STK33: variants seen among roughly 807,000 people sequenced by gnomAD.
STK33 encodes the protein serine/threonine-protein kinase 33.
Under a neutral mutation model 58.0 loss-of-function variants are expected in STK33, and 52 were observed. That is an observed-to-expected ratio of 0.90 (90% CI 0.72 to 1.13). The LOEUF is 1.13. Among genes scored for constraint, STK33 ranks in the 50% most tolerant of loss-of-function variants. STK33 has a pLI of 0.00. For missense variants in STK33, 630 were observed against 604.2 expected (o/e 1.04, Z -0.45); for synonymous variants, 215 against 200.1 (o/e 1.07, Z -0.63).
chr11:8,360,403 G>C, the STK33 span, among the ~76,000 whole-genome samples: 2 of 152,250 alleles, frequency 1.3e-5, no homozygotes, highest in African/African-American at 4.8e-5. Context: ...ACAAGGCCTA[G>C]CCCCAGGTCC....
chr11:8,347,680 AC>A, the STK33 span, among the ~76,000 whole-genome samples: 2 of 152,190 alleles, frequency 1.3e-5, no homozygotes, highest in African/African-American at 4.8e-5. Flanking sequence ...ATGTGGCCCC[AC>A]CATTGAGCCA....
intron 7 of STK33, among the ~76,000 whole-genome samples, chr11:8,462,440 TATACACACACACAC>T (rs1266434416): frequency 0.012 from 1,483 of 126,508 alleles, 26 homozygotes; most frequent in South Asian, 0.052. Flanking sequence ...TATATACATA[TATACACACACACAC>T]ACACACACAC....
intron 1 of STK33, among the ~76,000 whole-genome samples, chr11:8,504,630 T>C (rs1165178295): frequency 2.0e-5 from 3 of 150,762 alleles, no homozygotes; most frequent in Non-Finnish European, 3.0e-5. Context: ...TCCAGAAAAA[T>C]AAAAAATAAA....
chr11:8,524,459 A>ATC (rs1953854651), intron 1 of STK33, among the ~76,000 whole-genome samples: 1 of 152,208 alleles, frequency 6.6e-6, no homozygotes, highest in African/African-American at 2.4e-5. Context: ...AAACAGGTAA[A>ATC]GGAATTAAAT....
chr11:8,593,368 G>C (rs1041814238), intron 1 of STK33, among the ~76,000 whole-genome samples: 3 of 152,154 alleles, frequency 2.0e-5, no homozygotes, highest in African/African-American at 7.2e-5. Context: ...TTCTTAGCTG[G>C]TGATATGGGA....
chr11:8,587,587 TAAA>T lies in STK33; in HGVS notation c.-466+6493_-466+6495del, dbSNP rs11312849. ...AGAGGGAGGAGTTTTCAATGGAAGG[TAAA>T]AAAAAAAAAAAAAAAAGATGAAAAG... On this transcript the variant is annotated intron_variant, in intron 1 of 15. Transcript: ENST00000687296. Among the ~76,000 whole-genome samples the T allele has an allele frequency of 3.8e-3, 538 of 141,562 alleles. 1 individual carries two copies. The highest frequency in any genetic ancestry group is 4.2e-3 in the Admixed American group (60 of 14,342). The allele number at this position is 141,562 out of a possible 152,430, so 92.9% of individuals were successfully genotyped here.
chr11:8,402,425 T>G (rs528565847), intron 15 of STK33, among the ~76,000 whole-genome samples: 77 of 152,056 alleles, frequency 5.1e-4, no homozygotes, highest in African/African-American at 1.9e-3. Context: ...TGAGAACAGA[T>G]GGACACAGGA....
chr11:8,546,724 GACCTCCAGTT>G (rs1955947229), intron 1 of STK33, among the ~76,000 whole-genome samples: 1 of 151,812 alleles, frequency 6.6e-6, no homozygotes, highest in Non-Finnish European at 1.5e-5. Flanking sequence ...TTAAGATAAT[GACCTCCAGTT>G]CCACCCAAGT....
chr11:8,489,631 T>C (rs1950455264), intron 1 of STK33, among the ~76,000 whole-genome samples: 1 of 152,160 alleles, frequency 6.6e-6, no homozygotes, highest in Admixed American at 6.5e-5. Flanking sequence ...CATTAATATA[T>C]TCATGAGGGC....
chr11:8,566,175 C>T (rs1241229223), intron 1 of STK33, among the ~76,000 whole-genome samples: 1 of 152,150 alleles, frequency 6.6e-6, no homozygotes, highest in East Asian at 1.9e-4. Flanking sequence ...TATATTTTAT[C>T]CTTCCAAAAT....
intron 4 of STK33, 55 bp from the exon 5 acceptor site, chr11:8,475,121 T>C (rs750272583): frequency 4.4e-5 from 19 of 431,776 alleles, no homozygotes; most frequent in Admixed American, 2.1e-4. Context: ...ATTACCATCC[T>C]GGAAATCAGA....
Position 8,473,201 on chromosome 11 carries a change from C to A in STK33, c.301G>T (p.Val101Phe). The A allele has an allele frequency of 1.2e-6, 2 of 1,613,182 alleles. No individual in the cohort carries two copies. Among genetic ancestry groups the A allele is most frequent in the Non-Finnish European group, 1.7e-6 (2 of 1,179,706 alleles). The change falls in exon 6 of 16, where the codon GTT becomes TTT. Residue 101 changes from valine to phenylalanine, a missense_variant. Coordinates refer to ENST00000687296, the MANE Select transcript of STK33 (RefSeq NM_001352389.2). ...WGRGNFTEGK[V>F]PHIRIENGAA... Reference sequence around the variant, plus strand: ...CCATTCTCAATCCTTATGTGAGGAACTTTTCCTTCTGTAAAGTTGCCCCGA... The same window carrying A: ...CCATTCTCAATCCTTATGTGAGGAAATTTTCCTTCTGTAAAGTTGCCCCGA...
chr11:8,346,398 C>T, the STK33 span, among the ~76,000 whole-genome samples: 10 of 152,192 alleles, frequency 6.6e-5, no homozygotes, highest in East Asian at 5.8e-4. Flanking sequence ...GGTGGGGCTT[C>T]GGGGGAGCCT....
chr11:8,380,222 T>C, the STK33 span, among the ~76,000 whole-genome samples: 1 of 152,140 alleles, frequency 6.6e-6, no homozygotes, highest in African/African-American at 2.4e-5. Context: ...TCCACAATGG[T>C]TGAACTAATG....
rs142634715 is a variant in STK33 at position 8,493,104 on chromosome 11, G to A, written c.-465-12490C>T. Among the ~76,000 whole-genome samples the A allele has an allele frequency of 2.3e-3, 345 of 152,176 alleles. 8 individuals are homozygous for A. In the East Asian group the frequency reaches 0.06, roughly 26 times the overall value. On this transcript the variant is annotated intron_variant, in intron 1 of 15. Coordinates refer to ENST00000687296, the MANE Select transcript of STK33 (RefSeq NM_001352389.2). ...GCAAGAAATAACTAAGATCAGAGCA[G>A]AACTGAAGGAGATAGAGACACAAAA...
intron 14 of STK33, among the ~76,000 whole-genome samples, chr11:8,422,703 A>C (rs1942102178): frequency 1.3e-5 from 2 of 152,084 alleles, no homozygotes; most frequent in South Asian, 4.1e-4. Context: ...TTTCATTTTG[A>C]CTGAGTTTGC....
intron 1 of STK33, among the ~76,000 whole-genome samples, chr11:8,571,040 A>G (rs1957774052): frequency 6.6e-6 from 1 of 152,196 alleles, no homozygotes; most frequent in Non-Finnish European, 1.5e-5. Flanking sequence ...ACAGCACTGT[A>G]ATACCTGGGA....
At chr11:8,439,869 T>A (rs1007216647) in intron 12 of STK33, among the ~76,000 whole-genome samples, 2 of 107,274 alleles carry the variant, frequency 1.9e-5, no homozygotes, top group Non-Finnish European at 3.8e-5. Flanking sequence ...TATATTATAA[T>A]TATATATATA....
intron 11 of STK33, 49 bp downstream of exon 11, chr11:8,452,773 G>C: frequency 6.5e-7 from 1 of 1,535,336 alleles, no homozygotes; most frequent in Non-Finnish European, 9.0e-7. Flanking sequence ...GGGCAACAGA[G>C]GATGATCCTG....
Sources: allele counts gnomAD v4.1 joint callset (sites outside exome capture counted in the v4.1 genomes callset), GRCh38; gene constraint gnomAD v4.1.1; transcripts MANE v1.5; gene names NCBI Gene and HGNC (gene_info 2026-07-23, HGNC 2026-07-21).